The following CWH43 variants were observed in gnomAD, a reference collection of about 807,000 sequenced individuals.
The protein encoded by CWH43 is cell wall biogenesis 43 C-terminal homolog, also known as PGAP2-interacting protein.
A neutral mutation model predicts 85.7 loss-of-function variants in CWH43; 91 were observed. The observed-to-expected ratio is 1.06, with a 90% CI of 0.90 to 1.26. CWH43 has a LOEUF of 1.26. CWH43 is among the 50% of genes most tolerant of loss of function. The pLI, the probability that CWH43 is intolerant of heterozygous loss-of-function variation, is 0.00. For synonymous variants in CWH43, 323 were observed against 293.6 expected, an observed-to-expected ratio of 1.10 and a Z score of -1.02; for missense variants, 869 against 839.2, an observed-to-expected ratio of 1.04 and a Z score of -0.44.
chr4:49,020,792 C>T (rs1339198909), intron 9 of CWH43, among the ~76,000 whole-genome samples: 1 of 152,138 alleles, frequency 6.6e-6, no homozygotes, highest in Admixed American at 6.5e-5. Flanking sequence ...TTTGATCAGG[C>T]ATTTCCCTGA....
chr4:49,008,875 T>G (rs535506860), intron 8 of CWH43, among the ~76,000 whole-genome samples: 1 of 152,230 alleles, frequency 6.6e-6, no homozygotes, highest in East Asian at 1.9e-4. Flanking sequence ...TTGGTTACTG[T>G]AGACTTGTAG....
chr4:48,986,717 C>T, intron 1 of CWH43: 17 of 1,348,904 alleles, frequency 1.3e-5, no homozygotes, highest in Non-Finnish European at 1.5e-5. Context: ...GCCCGAGTTC[C>T]CAGCAGCCCT....
intron 12 of CWH43, among the ~76,000 whole-genome samples, chr4:49,036,429 G>A (rs1485774490): frequency 3.9e-5 from 6 of 152,142 alleles, no homozygotes; most frequent in African/African-American, 9.7e-5. Context: ...ACAAATGGCC[G>A]TCCTTTTCAC....
chr4:49,019,285 A>T (rs1489061066), intron 9 of CWH43, among the ~76,000 whole-genome samples: 2 of 152,190 alleles, frequency 1.3e-5, no homozygotes, highest in Admixed American at 1.3e-4. Flanking sequence ...GATTAGAGAA[A>T]ACTGTCTGAG....
At chr4:48,988,306 G>A (rs1305138480) in intron 1 of CWH43, among the ~76,000 whole-genome samples, 171 bp from the exon 2 acceptor site, 2 of 152,178 alleles carry the variant, frequency 1.3e-5, no homozygotes, top group African/African-American at 4.8e-5. Flanking sequence ...CCCTACACAG[G>A]TGTAGAGCTC....
chr4:48,995,970 C>A (rs1316570606), intron 5 of CWH43, among the ~76,000 whole-genome samples: 4 of 151,760 alleles, frequency 2.6e-5, no homozygotes, highest in South Asian at 4.2e-4. Flanking sequence ...AGTTCCCCCC[C>A]ACCAATACCT....
In CWH43 at chr4:49,030,904, G is replaced by C. The variant is rs566068834; in HGVS notation, c.1452G>C (p.Gly484=). The C allele has an allele frequency of 4.3e-6, 7 of 1,611,104 alleles. No homozygotes were observed. The African/African-American group carries it at 9.4e-5, about 22-fold the overall frequency. Residue 484 remains glycine, a synonymous_variant, in exon 11 of 16, where the codon GGG becomes GGC. Coordinates refer to ENST00000226432, the MANE Select transcript of CWH43 (RefSeq NM_025087.3). ...MGNNDLTMWL[G]EKLGFYTDFG... ...ACAATGACTTAACCATGTGGCTAGG[G>C]GAAAAGTTGGGTTTCTATACAGACT...
intron 15 of CWH43, among the ~76,000 whole-genome samples, chr4:49,061,162 C>T (rs1785146092): frequency 6.6e-6 from 1 of 152,102 alleles, no homozygotes; most frequent in South Asian, 2.1e-4. Context: ...TCCTTAGGGT[C>T]TAGCTCTAGA....
chr4:49,031,711 C>T (rs1250981956), intron 11 of CWH43, among the ~76,000 whole-genome samples: 1 of 152,062 alleles, frequency 6.6e-6, no homozygotes, highest in Non-Finnish European at 1.5e-5. Flanking sequence ...TGAGAGATGA[C>T]AATGGGAACA....
chr4:48,995,787 C>T (rs1404457722), intron 5 of CWH43, among the ~76,000 whole-genome samples: 1 of 152,216 alleles, frequency 6.6e-6, no homozygotes, highest in Non-Finnish European at 1.5e-5. Context: ...ACCCCTTCTT[C>T]TCTATCCCTA....
intron 5 of CWH43, among the ~76,000 whole-genome samples, chr4:48,997,550 C>T (rs923403481): frequency 6.6e-6 from 1 of 152,040 alleles, no homozygotes; most frequent in African/African-American, 2.4e-5. Flanking sequence ...CCTTCATGGC[C>T]TCTTCTCATA....
At chr4:48,990,084 G>A (rs1782610802) in intron 2 of CWH43, among the ~76,000 whole-genome samples, 1 of 152,158 alleles carries the variant, frequency 6.6e-6, no homozygotes, top group Non-Finnish European at 1.5e-5. Flanking sequence ...CACAGACTGA[G>A]TAGTTACTGG....
chr4:49,023,234 G>A (rs568655748), intron 9 of CWH43, among the ~76,000 whole-genome samples: 1 of 152,232 alleles, frequency 6.6e-6, no homozygotes, highest in African/African-American at 2.4e-5. Context: ...GATAGGTTGT[G>A]TCACTATTAT....
chr4:48,993,170 T>C (rs1560484860), intron 4 of CWH43, among the ~76,000 whole-genome samples: 2 of 152,232 alleles, frequency 1.3e-5, no homozygotes, highest in Admixed American at 1.3e-4. Flanking sequence ...AAACTGACTG[T>C]TCACCCTGCA....
intron 10 of CWH43, among the ~76,000 whole-genome samples, chr4:49,030,051 C>T (rs1255383692): frequency 2.0e-5 from 3 of 152,162 alleles, no homozygotes; most frequent in South Asian, 2.1e-4. Flanking sequence ...TCTCTCATCC[C>T]ACCTGACAAG....
rs181919135 is a variant in CWH43, at chr4:49,044,726, A to T, written c.1804-60A>T. ...TCATGTAGCTCACACATTTTTTGGC[A>T]ATGTGGAATAGAGCTTTGCTTTTTA... On this transcript the variant is annotated intron_variant, in intron 13 of 15. Coordinates refer to ENST00000226432, the MANE Select transcript of CWH43 (RefSeq NM_025087.3). 1.8e-3 allele frequency: 2,470 copies of T among 1,348,026 alleles called. 7 individuals carry two copies. Among genetic ancestry groups the T allele is most frequent in the Non-Finnish European group, 2.2e-3 (2,061 of 951,828 alleles). The allele number at this position is 1,348,026 out of a possible 1,614,324, so 83.5% of individuals were successfully genotyped here. A position where few individuals can be genotyped will look rare whatever the true frequency, so the allele number is the denominator to read the frequency against.
intron 10 of CWH43, among the ~76,000 whole-genome samples, chr4:49,029,894 G>A (rs1784040476): frequency 6.6e-6 from 1 of 152,176 alleles, no homozygotes; most frequent in Non-Finnish European, 1.5e-5. Flanking sequence ...CATTCCCCTT[G>A]CTGAGATAGT....
intron 6 of CWH43, among the ~76,000 whole-genome samples, chr4:49,001,699 T>C (rs888701810): frequency 3.3e-5 from 5 of 152,178 alleles, no homozygotes; most frequent in Non-Finnish European, 7.4e-5. Flanking sequence ...ATTTAAAATA[T>C]AGAGCCTATT....
At chr4:49,057,046 C>A (rs931877060) in intron 15 of CWH43, among the ~76,000 whole-genome samples, 1 of 152,144 alleles carries the variant, frequency 6.6e-6, no homozygotes, top group Non-Finnish European at 1.5e-5. Flanking sequence ...TTTGTTAAGG[C>A]TTGTTTTGTG....
Sources: allele counts gnomAD v4.1 joint callset (sites outside exome capture counted in the v4.1 genomes callset), GRCh38; gene constraint gnomAD v4.1.1; transcripts MANE v1.5; gene names NCBI Gene and HGNC (gene_info 2026-07-23, HGNC 2026-07-21).